The following ZC2HC1A variants were observed in gnomAD, a reference collection of about 807,000 sequenced individuals.
The protein encoded by ZC2HC1A is zinc finger C2HC-type containing 1A.
In ZC2HC1A, 28 loss-of-function variants were observed where a neutral mutation model predicts 40.7. The ratio of observed to expected loss-of-function variants is 0.69; its 90% CI spans 0.51 to 0.94. ZC2HC1A has a LOEUF of 0.94. Ranked by LOEUF, ZC2HC1A falls within the 40% of genes least tolerant of loss-of-function variation. ZC2HC1A has a pLI of 0.00. For synonymous variants in ZC2HC1A, 129 were observed against 129.2 expected, an observed-to-expected ratio of 1.00 and a Z score of 0.01; for missense variants, 389 against 386.3, an observed-to-expected ratio of 1.01 and a Z score of -0.06.
At position 78,678,589 on chromosome 8, in the gene ZC2HC1A, G is replaced by A; in HGVS notation, c.120G>A (p.Lys40=). The A allele has an allele frequency of 6.2e-7, 1 of 1,611,360 alleles. No homozygotes were observed. Among genetic ancestry groups the A allele is most frequent in the South Asian group, 1.1e-5 (1 of 90,544 alleles). Reference sequence around the variant, plus strand: ...AAAAACATGGACCCATTTGCCAGAAGACTGCAACTAAAAAACGGAAGACTT... The same window carrying A: ...AAAAACATGGACCCATTTGCCAGAAAACTGCAACTAAAAAACGGAAGACTT... ...ALKKHGPICQ[K]TATKKRKTFD... Residue 40 remains lysine, a synonymous_variant, in exon 3 of 9, where the codon AAG becomes AAA. Coordinates refer to ENST00000263849, the MANE Select transcript of ZC2HC1A (RefSeq NM_016010.3).
intron 4 of ZC2HC1A, among the ~76,000 whole-genome samples, 173 bp downstream of exon 4, chr8:78,686,781 C>T (rs1382982821): frequency 6.6e-6 from 1 of 152,020 alleles, no homozygotes; most frequent in Non-Finnish European, 1.5e-5. Context: ...CTTATAAAGA[C>T]ATTAATTTAG....
At chr8:78,709,982 C>A (rs1489686488) in intron 7 of ZC2HC1A, among the ~76,000 whole-genome samples, 1 of 152,080 alleles carries the variant, frequency 6.6e-6, no homozygotes, top group Non-Finnish European at 1.5e-5. Flanking sequence ...CCTAGTAAGC[C>A]ACACTAAAAT....
intron 5 of ZC2HC1A, among the ~76,000 whole-genome samples, chr8:78,693,494 A>G (rs558609279): frequency 8.2e-4 from 125 of 152,180 alleles, no homozygotes; most frequent in African/African-American, 2.8e-3. Context: ...AATGATGAAC[A>G]TTTTTTCATG....
chr8:78,697,653 G>A, intron 6 of ZC2HC1A, 147 bp downstream of exon 6: 2 of 539,912 alleles, frequency 3.7e-6, no homozygotes, highest in Non-Finnish European at 3.1e-6. Flanking sequence ...TTTAAAATAA[G>A]ATAACTTTGA....
chr8:78,681,353 A>C (rs1809770631), intron 3 of ZC2HC1A, among the ~76,000 whole-genome samples: 2 of 152,224 alleles, frequency 1.3e-5, no homozygotes, highest in South Asian at 4.1e-4. Context: ...AAAAGGTAGA[A>C]AAGAACAGCA....
intron 7 of ZC2HC1A, among the ~76,000 whole-genome samples, chr8:78,709,288 C>T (rs1810880787): frequency 6.6e-6 from 1 of 152,076 alleles, no homozygotes; most frequent in Non-Finnish European, 1.5e-5. Flanking sequence ...TTATTTAAAA[C>T]ATTAAGAAGT....
At chr8:78,673,142 A>G (rs1345684605) in intron 1 of ZC2HC1A, among the ~76,000 whole-genome samples, 1 of 152,018 alleles carries the variant, frequency 6.6e-6, no homozygotes, top group Non-Finnish European at 1.5e-5. Context: ...TTCAGCTCCC[A>G]CTTATGAATA....
rs1335350962 is a variant in ZC2HC1A, at chr8:78,688,620, T to G, written c.353-602T>G. 4.6e-5 allele frequency among the ~76,000 whole-genome samples: 7 copies of G among 152,308 alleles called. No individual in the cohort carries two copies. The East Asian group carries it at 1.3e-3, about 29-fold the overall frequency. ...ATTTCAAAAGAAGTTTAATTTACAG[T>G]ATGCTTTGCATTTTGGGAAGATATT... On this transcript the variant is annotated intron_variant, in intron 4 of 8. Coordinates refer to ENST00000263849, the MANE Select transcript of ZC2HC1A (RefSeq NM_016010.3).
intron 2 of ZC2HC1A, 78 bp from the exon 3 acceptor site, chr8:78,678,485 T>A: frequency 9.5e-7 from 1 of 1,052,170 alleles, no homozygotes; most frequent in East Asian, 2.5e-5. Context: ...TTTAAACTGG[T>A]CTCAATGTAA....
At chr8:78,678,151 A>ATC (rs1003147800) in intron 2 of ZC2HC1A, among the ~76,000 whole-genome samples, 2 of 152,022 alleles carry the variant, frequency 1.3e-5, no homozygotes, top group African/African-American at 4.8e-5. Context: ...TTTTGTGCTG[A>ATC]TCTCCTATCT....
At chr8:78,677,623 T>C (rs1809624016) in intron 2 of ZC2HC1A, among the ~76,000 whole-genome samples, 1 of 152,028 alleles carries the variant, frequency 6.6e-6, no homozygotes, top group Non-Finnish European at 1.5e-5. Flanking sequence ...TTTTCTAGTA[T>C]CTATGTTCAG....
chr8:78,670,353 A>C (rs1313401787), intron 1 of ZC2HC1A, among the ~76,000 whole-genome samples: 1 of 152,196 alleles, frequency 6.6e-6, no homozygotes, highest in Non-Finnish European at 1.5e-5. Flanking sequence ...GAGAAGGACT[A>C]AGCAGAAAAT....
At chr8:78,717,220 C>T (rs76261772) in intron 8 of ZC2HC1A, 108 bp from the exon 9 acceptor site, 28,371 of 990,554 alleles carry the variant, frequency 0.029, 501 homozygotes, top group Non-Finnish European at 0.034. Context: ...ATATTAAAAA[C>T]GAGATTAAGC....
At chr8:78,682,731 A>C (rs2369442) in intron 3 of ZC2HC1A, among the ~76,000 whole-genome samples, 104,239 of 152,014 alleles carry the variant, frequency 0.69, 36,585 homozygotes, top group East Asian at 0.91. Context: ...ACAGTCCCCC[A>C]AAGTCTTAAC....
At chr8:78,711,741 G>T (rs190256717) in intron 7 of ZC2HC1A, among the ~76,000 whole-genome samples, 38 of 152,008 alleles carry the variant, frequency 2.5e-4, no homozygotes, top group African/African-American at 9.2e-4. Context: ...TTGCCCTGCT[G>T]TGTATAATTT....
rs901730759 is a variant in ZC2HC1A, at chr8:78,675,788, G to T, written c.18G>T (p.Glu6Asp). MEGLE[E>D]NGGVVQVGEL... is the part of the protein sequence containing the mutation. ...TTATTAAATTCCTTCCTGTTTTAGA[G>T]AATGGAGGTGTTGTCCAAGTTGGAG... Residue 6 changes from glutamate to aspartate, a missense_variant and splice_region_variant, in exon 2 of 9, where the codon GAG (glutamate) becomes GAT (aspartate). Transcript: ENST00000263849. 1 of 1,606,026 alleles carries T rather than the reference G, an allele frequency of 6.2e-7. No homozygotes were observed.
Position 78,719,389 on chromosome 8 carries a change from G to A in ZC2HC1A, c.*1896G>A, listed in dbSNP as rs549761082. On this transcript the variant is annotated 3_prime_UTR_variant, in exon 9 of 9. Transcript: ENST00000263849. ...TGGTAAGAAATCATCTAGTTCCAGA[G>A]CCCAGAGATTATAAACAGTAGGTGA... is the stretch of plus-strand genomic sequence containing the variant. 1 of 151,566 alleles carries A rather than the reference G, an allele frequency of 6.6e-6. No individual in the cohort carries two copies. Among genetic ancestry groups the A allele is most frequent in the Non-Finnish European group, 1.5e-5 (1 of 67,640 alleles). The allele number at this position is 151,566 out of a possible 1,614,324, so 9.4% of individuals were successfully genotyped here. A position where few individuals can be genotyped will look rare whatever the true frequency, so the allele number is the denominator to read the frequency against.
intron 3 of ZC2HC1A, among the ~76,000 whole-genome samples, chr8:78,680,663 T>G (rs984150315): frequency 6.6e-6 from 1 of 152,180 alleles, no homozygotes; most frequent in Non-Finnish European, 1.5e-5. Flanking sequence ...ATTCATAGAT[T>G]ATCAAATATA....
chr8:78,702,033 A>G (rs1428218942), intron 7 of ZC2HC1A, among the ~76,000 whole-genome samples: 1 of 152,092 alleles, frequency 6.6e-6, no homozygotes, highest in Non-Finnish European at 1.5e-5. Context: ...TTTTGGAATA[A>G]TATCAGTAGG....
Sources: gnomAD v4.1 joint callset for allele counts (sites outside exome capture counted in the v4.1 genomes callset) on GRCh38, gnomAD v4.1.1 for gene constraint, MANE v1.5 for transcripts, NCBI Gene and HGNC (gene_info 2026-07-23, HGNC 2026-07-21) for gene names.